The following CAST variants were observed in gnomAD, a reference collection of about 807,000 sequenced individuals.
CAST encodes the protein calpastatin, also known as MIR583 host.
Under a neutral mutation model 119.6 loss-of-function variants are expected in CAST, and 76 were observed. That is an observed-to-expected ratio of 0.64 (90% confidence interval 0.53 to 0.77). The LOEUF is 0.77. Ranked by LOEUF, CAST falls within the 30% of genes least tolerant of loss-of-function variation. CAST has a pLI of 0.00. For missense variants in CAST, 953 were observed against 946.5 expected, an observed-to-expected ratio of 1.01 and a Z score of -0.09; for synonymous variants, 319 against 331.6, an observed-to-expected ratio of 0.96 and a Z score of 0.41.
intron 25 of CAST, among the ~76,000 whole-genome samples, chr5:96,763,428 G>T (rs1768726568): frequency 6.6e-6 from 1 of 152,182 alleles, no homozygotes; most frequent in African/African-American, 2.4e-5. Context: ...CAGAAAGGAA[G>T]AATCATTAAT....
chr5:96,657,016 C>T (rs1748168657), intron 1 of CAST, among the ~76,000 whole-genome samples: 1 of 17,048 alleles, frequency 5.9e-5, no homozygotes, highest in Admixed American at 7.5e-4. Context: ...ATACAATAAT[C>T]TGAGCTGGAA....
the CAST span, chr5:96,423,166 T>C: frequency 4.0e-6 from 3 of 741,616 alleles, no homozygotes; most frequent in African/African-American, 5.2e-5. Flanking sequence ...TATAAGCTAG[T>C]GGGAAGTGGG....
At chr5:96,005,465 A>G in the CAST span, among the ~76,000 whole-genome samples, 1 of 152,212 alleles carries the variant, frequency 6.6e-6, no homozygotes, top group Non-Finnish European at 1.5e-5. Flanking sequence ...ATACTGATAA[A>G]TGAAGGAAAT....
At chr5:96,627,125 A>G (rs1747738051) in intron 1 of CAST, among the ~76,000 whole-genome samples, 1 of 152,248 alleles carries the variant, frequency 6.6e-6, no homozygotes, top group South Asian at 2.1e-4. Flanking sequence ...TCCAGGAGGC[A>G]GTATTGCAGA....
Position 96,637,865 on chromosome 5 carries a change from T to C in CAST, c.61-37674T>C, listed in dbSNP as rs1460895351. Among the ~76,000 whole-genome samples the C allele has an allele frequency of 3.3e-5, 5 of 152,320 alleles. No individual in the cohort carries two copies. The South Asian group carries it at 1.0e-3, about 32-fold the overall frequency. On this transcript the variant is annotated intron_variant, in intron 1 of 11. Transcript: ENST00000505143. ...CTAAATAAATTCAAAGATTTAAAGA[T>C]TGGCCTTAGATACTGTGTTCATAGT...
chr5:96,416,203 G>A, the CAST span: 1 of 942,074 alleles, frequency 1.1e-6, no homozygotes, highest in Non-Finnish European at 1.7e-6. Flanking sequence ...ATGGGGCATA[G>A]GTATATTAAC....
chr5:96,625,260 TTCTC>T (rs931081641), intron 1 of CAST, among the ~76,000 whole-genome samples: 1 of 152,122 alleles, frequency 6.6e-6, no homozygotes, highest in Non-Finnish European at 1.5e-5. Flanking sequence ...TTAAATTTTA[TTCTC>T]TCTCTTTCTC....
At chr5:96,566,589 C>T (rs2150186033) in intron 1 of CAST, among the ~76,000 whole-genome samples, 1 of 152,314 alleles carries the variant, frequency 6.6e-6, no homozygotes, top group Non-Finnish European at 1.5e-5. Context: ...ACTGTATTCA[C>T]TTACTAGTCA....
the CAST span, among the ~76,000 whole-genome samples, chr5:96,125,635 C>T: frequency 6.6e-5 from 10 of 152,124 alleles, no homozygotes; most frequent in Non-Finnish European, 1.0e-4. Flanking sequence ...GTACTATCCT[C>T]GTAAGGTTGT....
chr5:96,500,056 C>T, the CAST span, among the ~76,000 whole-genome samples: 3 of 152,036 alleles, frequency 2.0e-5, no homozygotes, highest in Non-Finnish European at 4.4e-5. Context: ...CAGATAAGTT[C>T]GCCGCCTCAT....
chr5:96,342,869 AG>A, the CAST span, among the ~76,000 whole-genome samples: 1 of 152,104 alleles, frequency 6.6e-6, no homozygotes, highest in Non-Finnish European at 1.5e-5. Context: ...TGCTTCACTG[AG>A]TTATGTGCAT....
At chr5:96,432,255 C>A in the CAST span, 1 of 797,262 alleles carries the variant, frequency 1.3e-6, no homozygotes, top group Non-Finnish European at 2.0e-6. Context: ...GTCTTTCACC[C>A]ACCATTTCTC....
At chr5:96,211,166 G>A in the CAST span, among the ~76,000 whole-genome samples, 5 of 151,708 alleles carry the variant, frequency 3.3e-5, no homozygotes, top group Non-Finnish European at 5.9e-5. Flanking sequence ...TCCTTTTCTT[G>A]ATATATTGTA....
chr5:96,722,261 T>C (rs1225049294), intron 3 of CAST, among the ~76,000 whole-genome samples: 1 of 152,158 alleles, frequency 6.6e-6, no homozygotes, highest in Admixed American at 6.5e-5. Flanking sequence ...TCCATGTTTT[T>C]TCTGAAAATA....
chr5:96,244,708 C>T, the CAST span, among the ~76,000 whole-genome samples: 1 of 152,212 alleles, frequency 6.6e-6, no homozygotes, highest in South Asian at 2.1e-4. Context: ...ACAAAGCCTG[C>T]ACTTTTTCTA....
At chr5:96,430,107 G>T in the CAST span, among the ~76,000 whole-genome samples, 1 of 152,224 alleles carries the variant, frequency 6.6e-6, no homozygotes, top group East Asian at 1.9e-4. Flanking sequence ...ATTAGTGATC[G>T]TTTGATTTTC....
the CAST span, among the ~76,000 whole-genome samples, chr5:96,243,435 A>T: frequency 6.6e-6 from 1 of 152,104 alleles, no homozygotes; most frequent in African/African-American, 2.4e-5. Context: ...AGAAAAGTTA[A>T]GCTTGACTGA....
At chr5:96,710,304 C>A (rs1755842568) in intron 3 of CAST, among the ~76,000 whole-genome samples, 1 of 152,136 alleles carries the variant, frequency 6.6e-6, no homozygotes, top group South Asian at 2.1e-4. Context: ...TAATGTACAG[C>A]AATAGACGGT....
chr5:96,455,637 C>T, the CAST span, among the ~76,000 whole-genome samples: 1 of 152,178 alleles, frequency 6.6e-6, no homozygotes, highest in African/African-American at 2.4e-5. Context: ...TCAACAATCC[C>T]GAGCTCTGTC....
Sources: gnomAD v4.1 joint callset for allele counts (sites outside exome capture counted in the v4.1 genomes callset) on GRCh38, gnomAD v4.1.1 for gene constraint, MANE v1.5 for transcripts, NCBI Gene and HGNC (gene_info 2026-07-23, HGNC 2026-07-21) for gene names.